Variants in LRP2 observed in about 807,000 individuals in gnomAD.
LRP2 encodes the protein LDL receptor related protein 2.
In LRP2, 172 loss-of-function variants were observed where a neutral mutation model predicts 531.0. That is an observed-to-expected ratio of 0.32 (90% CI 0.29 to 0.37). The LOEUF is 0.37. LRP2 is among the 10% of genes least tolerant of loss of function. LRP2 has a pLI of 1.00. For synonymous variants in LRP2, 1,992 were observed against 2,027.6 expected (o/e 0.98, Z 0.47); for missense variants, 5,167 against 5,868.3 (o/e 0.88, Z 3.90).
chr2:169,172,320 A>G (rs1687036700), intron 57 of LRP2, among the ~76,000 whole-genome samples, 186 bp from the exon 58 acceptor site: 1 of 152,172 alleles, frequency 6.6e-6, no homozygotes, highest in African/African-American at 2.4e-5. Flanking sequence ...CTATCCTACC[A>G]CTTGAAACTC....
chr2:169,228,897 G>T (rs1476276702), intron 31 of LRP2, among the ~76,000 whole-genome samples: 1 of 152,196 alleles, frequency 6.6e-6, no homozygotes, highest in African/African-American at 2.4e-5. Flanking sequence ...GCAAAAAGAA[G>T]TGACTTCACA....
At chr2:169,176,964 T>C (rs922998714) in intron 53 of LRP2, among the ~76,000 whole-genome samples, 1 of 152,188 alleles carries the variant, frequency 6.6e-6, no homozygotes, top group Non-Finnish European at 1.5e-5. Flanking sequence ...ATTCTAAGTA[T>C]ACAGGTAACA....
At chr2:169,235,421 T>C (rs1264340061) in intron 29 of LRP2, among the ~76,000 whole-genome samples, 1 of 151,902 alleles carries the variant, frequency 6.6e-6, no homozygotes, top group Non-Finnish European at 1.5e-5. Flanking sequence ...GTGTTTTTAG[T>C]AGAGATGAGG....
intron 1 of LRP2, among the ~76,000 whole-genome samples, chr2:169,328,342 TCTGCCCGGC>T (rs1685171999): frequency 7.3e-6 from 1 of 136,584 alleles, no homozygotes; most frequent in Non-Finnish European, 1.5e-5. Flanking sequence ...GAGGGGCGCC[TCTGCCCGGC>T]CACCCCTACT....
intron 41 of LRP2, 77 bp from the exon 42 acceptor site, chr2:169,204,348 C>T (rs1008423182): frequency 4.4e-5 from 58 of 1,318,946 alleles, no homozygotes; most frequent in Admixed American, 8.4e-5. Context: ...CCAATGCATG[C>T]GCCTCATCAT....
intron 55 of LRP2, among the ~76,000 whole-genome samples, chr2:169,174,872 G>A (rs1190015860): frequency 7.0e-6 from 1 of 142,732 alleles, no homozygotes; most frequent in African/African-American, 2.6e-5. Flanking sequence ...GAGAGTCCCT[G>A]TTAAAAATGG....
chr2:169,139,468 A>G, intron 73 of LRP2, 75 bp downstream of exon 73: 1 of 1,612,832 alleles, frequency 6.2e-7, no homozygotes, highest in Non-Finnish European at 8.5e-7. Context: ...GACTGGGTTA[A>G]GTAGAAAAGC....
rs947976688 is a variant in LRP2 at position 169,128,294 on chromosome 2, TC to T, written c.*368del. ...CCTCTTCTTTAGACACGGCTAAAGG[TC>T]CCCAGTCAATTCCTTTTCTTGTTGG... On this transcript the variant is annotated 3_prime_UTR_variant, in exon 79 of 79. Coordinates refer to ENST00000649046, the MANE Select transcript of LRP2 (RefSeq NM_004525.3). 4.9e-6 allele frequency: 1 copy of T among 202,158 alleles called. No homozygotes were observed. Among genetic ancestry groups the T allele is most frequent in the African/African-American group, 2.4e-5 (1 of 41,926 alleles). The allele number at this position is 202,158 out of a possible 1,614,324, so 12.5% of individuals were successfully genotyped here.
At position 169,204,060 on chromosome 2, in the gene LRP2, C is replaced by T; in HGVS notation, c.7927G>A (p.Val2643Ile). 1 of 1,614,196 alleles carries T rather than the reference C, an allele frequency of 6.2e-7. No individual in the cohort carries two copies. Among genetic ancestry groups the T allele is most frequent in the African/African-American group, 1.3e-5 (1 of 75,056 alleles). ...LLSQPRGINT[V>I]VKNQKQQCNN... is the part of the protein sequence containing the mutation. Reference sequence around the variant, plus strand: ...CACTGTTGTTTCTGGTTCTTCACAACAGTGTTGATTCCCCTGGGCTGGGAG... The same window carrying T: ...CACTGTTGTTTCTGGTTCTTCACAATAGTGTTGATTCCCCTGGGCTGGGAG... Residue 2643 changes from valine (V) to isoleucine (I), a missense_variant, in exon 42 of 79, where the codon GTT becomes ATT. This residue lies in a region of LRP2 where 1,129 missense variants were observed against 1,362.7 expected (regional missense o/e 0.83). Coordinates refer to ENST00000649046, the MANE Select transcript of LRP2 (RefSeq NM_004525.3).
chr2:169,329,857 G>C (rs1166583064), intron 1 of LRP2, among the ~76,000 whole-genome samples: 2 of 152,196 alleles, frequency 1.3e-5, no homozygotes, highest in Non-Finnish European at 2.9e-5. Context: ...ACTGGTACTG[G>C]TCCGTGGCCT....
At chr2:169,176,627 AAG>A in intron 53 of LRP2, 39 bp from the exon 54 acceptor site, 1 of 1,580,852 alleles carries the variant, frequency 6.3e-7, no homozygotes, top group Non-Finnish European at 8.7e-7. Context: ...CATTTGCTGA[AAG>A]AGAGTATCAA....
intron 1 of LRP2, among the ~76,000 whole-genome samples, chr2:169,351,182 A>G (rs1685836590): frequency 6.6e-6 from 1 of 152,230 alleles, no homozygotes; most frequent in Non-Finnish European, 1.5e-5. Flanking sequence ...AGAGCTGAAA[A>G]TAGATCATTG....
rs1195541364 is a variant in LRP2 at position 169,338,347 on chromosome 2, GGAAAGAAAGAAGGAAA to G, written c.80-17479_80-17464del. 4.1e-4 allele frequency among the ~76,000 whole-genome samples: 45 copies of G among 109,930 alleles called. 1 individual carries two copies. Among genetic ancestry groups the G allele is most frequent in the South Asian group, 2.7e-3 (8 of 3,006 alleles). The allele number at this position is 109,930 out of a possible 152,430, so 72.1% of individuals were successfully genotyped here. A position where few individuals can be genotyped will look rare whatever the true frequency, so the allele number is the denominator to read the frequency against. On this transcript the variant is annotated intron_variant, in intron 1 of 78. Coordinates refer to ENST00000649046, the MANE Select transcript of LRP2 (RefSeq NM_004525.3). ...GTAAGAGAGACAGAGAAAGAAAGAA[GGAAAGAAAGAAGGAAA>G]GAAAGAAAGAAAGAAAGAAAGAAAG... is the stretch of plus-strand genomic sequence containing the variant.
intron 76 of LRP2, among the ~76,000 whole-genome samples, chr2:169,134,567 A>G (rs1342514618): frequency 1.3e-5 from 2 of 152,168 alleles, no homozygotes; most frequent in African/African-American, 2.4e-5. Context: ...ACTCACCAGC[A>G]AAGGCAGGCT....
rs917459067 is a variant in LRP2 at position 169,213,235 on chromosome 2, T to C, written c.6040+422A>G. ...CCCATTAGCACTTTCCCAGCAGGCA[T>C]CCAACTCATATGCCCTGAGCACCTT... On this transcript the variant is annotated intron_variant, in intron 36 of 78. Transcript: ENST00000649046. Among the ~76,000 whole-genome samples the C allele has an allele frequency of 2.9e-4, 44 of 152,224 alleles. 1 individual carries two copies. The highest frequency in any genetic ancestry group is 1.1e-3 in the African/African-American group (44 of 41,460).
intron 48 of LRP2, among the ~76,000 whole-genome samples, chr2:169,190,966 C>T (rs1301576429): frequency 6.6e-6 from 1 of 152,124 alleles, no homozygotes. Context: ...TTTGAAGAGG[C>T]CCATTTGGAG....
At chr2:169,145,368 G>C (rs1323170248) in intron 70 of LRP2, among the ~76,000 whole-genome samples, 1 of 152,204 alleles carries the variant, frequency 6.6e-6, no homozygotes, top group Non-Finnish European at 1.5e-5. Flanking sequence ...CTTGCAATGG[G>C]AAGGATAAGA....
At chr2:169,245,727 T>G (rs1468927940) in intron 21 of LRP2, among the ~76,000 whole-genome samples, 1 of 152,228 alleles carries the variant, frequency 6.6e-6, no homozygotes, top group East Asian at 1.9e-4. Context: ...ATTGTTAATT[T>G]ATTTTACTCT....
Position 169,185,588 on chromosome 2 carries a change from T to G in LRP2, c.9760A>C (p.Met3254Leu). The change falls in exon 50 of 79, where the codon ATG becomes CTG. Residue 3254 changes from methionine to leucine, a missense_variant. Coordinates refer to ENST00000649046, the MANE Select transcript of LRP2 (RefSeq NM_004525.3). ...TCCTTGTTTGTCTTATTCAGAAACA[T>G]TCTCTCAATGACTTGCCTCTGTGTA... is the stretch of plus-strand genomic sequence containing the variant. ...IDTQRQVIER[M>L]FLNKTNKETI... The G allele has an allele frequency of 6.2e-7, 1 of 1,614,098 alleles. No individual in the cohort carries two copies. Among genetic ancestry groups the G allele is most frequent in the Non-Finnish European group, 8.5e-7 (1 of 1,179,996 alleles).
Sources: allele counts gnomAD v4.1 joint callset (sites outside exome capture counted in the v4.1 genomes callset), GRCh38; gene constraint gnomAD v4.1.1; regional missense constraint gnomAD v4.1.1; transcripts MANE v1.5; gene names NCBI Gene and HGNC (gene_info 2026-07-23, HGNC 2026-07-21).